The following ABCA13 variants were observed in gnomAD, a reference collection of about 807,000 sequenced individuals.
ABCA13 encodes ATP-binding cassette sub-family A member 13.
ABCA13 carries 476 observed loss-of-function variants against 478.7 expected under a neutral mutation model. The ratio of observed to expected loss-of-function variants is 0.99; its 90% confidence interval spans 0.92 to 1.07. The LOEUF (loss-of-function observed/expected upper bound fraction) is 1.07. ABCA13 is among the 50% of genes least tolerant of loss of function. ABCA13 has a pLI of 0.00. For synonymous variants in ABCA13, 2,252 were observed against 2,158.9 expected, an observed-to-expected ratio of 1.04 and a Z score of -1.20; for missense variants, 6,060 against 5,910.6, an observed-to-expected ratio of 1.03 and a Z score of -0.83.
Position 48,422,055 on chromosome 7 carries a change from C to CAAAA in ABCA13, c.12460-5685_12460-5682dup, listed in dbSNP as rs4022355. The stretch of plus-strand genomic sequence containing the variant: ...AAACCCTAATCTGGTGTCTTTCTTA[C>CAAAA]AAAAAAAAAAAAAAAAAAAAAAAAA... On this transcript the variant is annotated intron_variant, in intron 41 of 61. Transcript: ENST00000435803. Among the ~76,000 whole-genome samples, 30 of 80,548 alleles carry CAAAA rather than the reference C, an allele frequency of 3.7e-4. 1 individual carries two copies. Among genetic ancestry groups the CAAAA allele is most frequent in the Non-Finnish European group, 5.3e-4 (22 of 41,824 alleles). The allele number at this position is 80,548 out of a possible 152,430, so 52.8% of individuals were successfully genotyped here.
rs779476708 is a variant in ABCA13, at chr7:48,244,607, C to G, written c.1294C>G (p.Leu432Val). 1 of 1,613,480 alleles carries G rather than the reference C, an allele frequency of 6.2e-7. No homozygotes were observed. Among genetic ancestry groups the G allele is most frequent in the Non-Finnish European group, 8.5e-7 (1 of 1,179,676 alleles). Residue 432 changes from leucine to valine, a missense_variant, in exon 11 of 62, where the codon CTG (leucine) becomes GTG (valine). Transcript: ENST00000435803. ...LQHLWKLQSLLQNLPQWPALK... is the reference protein window; with the variant it reads ...LQHLWKLQSLVQNLPQWPALK... Reference sequence around the variant, plus strand: ...GCATCTGTGGAAATTGCAAAGCTTGCTGCAAAACCTGCCCCAGTGGCCGGC... The same window carrying G: ...GCATCTGTGGAAATTGCAAAGCTTGGTGCAAAACCTGCCCCAGTGGCCGGC...
rs762336102 is a variant in ABCA13, at chr7:48,234,041, C to G, written c.787C>G (p.Gln263Glu). The G allele has an allele frequency of 5.0e-6, 8 of 1,613,998 alleles. No homozygotes were observed. In the South Asian group the frequency reaches 6.6e-5, roughly 13 times the overall value. The change falls in exon 8 of 62, where the codon CAG becomes GAG. Residue 263 changes from glutamine to glutamate, a missense_variant. Physicochemically the swap from Gln to Glu is conservative, Grantham distance 29. Transcript: ENST00000435803. ...VTEPVYHLSM[Q>E]NIVWDPQKVQ... ...AGAGCCAGTTTACCACCTGTCCATG[C>G]AGAATATAGTGTGGGATCCACAGAA... is the stretch of plus-strand genomic sequence containing the variant.
At position 48,219,823 on chromosome 7, in the gene ABCA13, G is replaced by A. The variant is rs548603817; in HGVS notation, c.439+318G>A. On this transcript the variant is annotated intron_variant, in intron 4 of 61. Coordinates refer to ENST00000435803, the MANE Select transcript of ABCA13 (RefSeq NM_152701.5). ...GCCTACTCCTTTACACTCTTCGGCT[G>A]TTGTCTTCCTTTCTTGCTTTCTCTT... 1.1e-3 allele frequency among the ~76,000 whole-genome samples: 168 copies of A among 150,582 alleles called. 1 individual carries two copies. The highest frequency in any genetic ancestry group is 3.8e-3 in the African/African-American group (157 of 40,898).
At chr7:48,506,518 A>G (rs1831223530) in intron 49 of ABCA13, 128 bp downstream of exon 49, 1 of 1,021,940 alleles carries the variant, frequency 9.8e-7, no homozygotes, top group African/African-American at 1.6e-5. Context: ...TTAGCAGGAA[A>G]TGCCCACAGG....
At chr7:48,309,432 C>T (rs933847828) in intron 23 of ABCA13, among the ~76,000 whole-genome samples, 1 of 152,080 alleles carries the variant, frequency 6.6e-6, no homozygotes, top group Non-Finnish European at 1.5e-5. Context: ...GTCCTCAGTG[C>T]CTCCTTCTGA....
chr7:48,422,519 G>T (rs541282855), intron 41 of ABCA13, among the ~76,000 whole-genome samples: 2 of 152,280 alleles, frequency 1.3e-5, no homozygotes, highest in Admixed American at 6.5e-5. Context: ...GACCAAAAAG[G>T]TAATGAGCTG....
At position 48,274,904 on chromosome 7, in the gene ABCA13, G is replaced by A. The variant is rs1562940358; in HGVS notation, c.5238G>A (p.Val1746=). 2.5e-6 allele frequency: 4 copies of A among 1,613,934 alleles called. No homozygotes were observed. The highest frequency in any genetic ancestry group is 3.4e-6 in the Non-Finnish European group (4 of 1,179,862). ...PKDVVDAVID[V]YYVLPHAVRL... Reference sequence around the variant, plus strand: ...ATGTTGTGGATGCTGTGATAGATGTGTACTATGTGCTTCCTCATGCTGTAA... The same window carrying A: ...ATGTTGTGGATGCTGTGATAGATGTATACTATGTGCTTCCTCATGCTGTAA... The change falls in exon 17 of 62, where the codon GTG becomes GTA. Residue 1746 remains valine, a synonymous_variant. Transcript: ENST00000435803.
chr7:48,548,315 G>A (rs73109355), intron 55 of ABCA13, among the ~76,000 whole-genome samples: 21,291 of 151,678 alleles, frequency 0.14, 2,071 homozygotes, highest in African/African-American at 0.23. Context: ...GTCCCCTGGC[G>A]GAGAAATGTC....
chr7:48,299,939 G>A (rs1318561238), intron 23 of ABCA13, among the ~76,000 whole-genome samples: 1 of 152,228 alleles, frequency 6.6e-6, no homozygotes, highest in Non-Finnish European at 1.5e-5. Flanking sequence ...CAGCTGGACA[G>A]TTAAGTAATT....
chr7:48,296,066 T>C (rs1348637447), intron 21 of ABCA13, among the ~76,000 whole-genome samples: 4 of 152,220 alleles, frequency 2.6e-5, no homozygotes, highest in Non-Finnish European at 5.9e-5. Flanking sequence ...ATCAGAAGGC[T>C]AACTTTATTG....
intron 42 of ABCA13, among the ~76,000 whole-genome samples, chr7:48,439,387 T>C (rs1354496938): frequency 1.3e-5 from 2 of 152,170 alleles, no homozygotes; most frequent in Non-Finnish European, 2.9e-5. Context: ...CTAATAATCA[T>C]ATTTTCTTTA....
chr7:48,570,700 TAAAA>T (rs939948908), intron 55 of ABCA13, among the ~76,000 whole-genome samples: 1 of 151,398 alleles, frequency 6.6e-6, no homozygotes, highest in Non-Finnish European at 1.5e-5. Flanking sequence ...GTTGGATAAT[TAAAA>T]AAAAATCCAG....
intron 23 of ABCA13, among the ~76,000 whole-genome samples, chr7:48,300,065 A>G (rs1420251121): frequency 6.6e-6 from 1 of 152,240 alleles, no homozygotes; most frequent in East Asian, 1.9e-4. Context: ...TAGGCAAGGA[A>G]TTAACATTAG....
At chr7:48,292,987 A>G (rs924266545) in intron 20 of ABCA13, among the ~76,000 whole-genome samples, 2 of 152,370 alleles carry the variant, frequency 1.3e-5, no homozygotes, top group Admixed American at 1.3e-4. Flanking sequence ...TTCCACTCCC[A>G]AATCACTTGG....
intron 55 of ABCA13, among the ~76,000 whole-genome samples, chr7:48,554,092 G>C (rs68029531): frequency 0.14 from 21,077 of 151,770 alleles, 1,834 homozygotes; most frequent in African/African-American, 0.23. Flanking sequence ...ATCTTCTTCT[G>C]AATGTATGTT....
intron 15 of ABCA13, among the ~76,000 whole-genome samples, chr7:48,266,532 T>C (rs1208231240): frequency 1.3e-5 from 2 of 151,848 alleles, no homozygotes; most frequent in East Asian, 3.8e-4. Flanking sequence ...TTAATTTGTA[T>C]AGAATCAGTG....
intron 19 of ABCA13, among the ~76,000 whole-genome samples, chr7:48,282,578 T>A (rs1385150914): frequency 6.6e-6 from 1 of 152,198 alleles, no homozygotes; most frequent in African/African-American, 2.4e-5. Flanking sequence ...TAGGGCTTAC[T>A]CCATATCCTG....
intron 55 of ABCA13, among the ~76,000 whole-genome samples, chr7:48,567,516 A>G (rs1004227725): frequency 6.6e-6 from 1 of 152,152 alleles, no homozygotes. Flanking sequence ...GAACTTATAT[A>G]AAACCTTTTT....
In ABCA13 at chr7:48,392,096, G is replaced by T. The variant is rs768707087; in HGVS notation, c.11830G>T (p.Ala3944Ser). The T allele has an allele frequency of 1.4e-5, 22 of 1,613,952 alleles. No homozygotes were observed. The South Asian group carries it at 2.3e-4, about 17-fold the overall frequency. Residue 3944 changes from alanine to serine, a missense_variant, in exon 38 of 62, where the codon GCG becomes TCG. By Grantham distance (99) the Ala-to-Ser change is moderately conservative. Transcript: ENST00000435803. Reference protein sequence around the residue: ...EHLLLFASIKAPQWTKKELHQ... With the variant: ...EHLLLFASIKSPQWTKKELHQ... ...TTTGCTGCTCTTTGCTTCCATAAAG[G>T]CGCCTCAGTGGACCAAGAAGGAGCT... is the stretch of plus-strand genomic sequence containing the variant.
Sources: allele counts gnomAD v4.1 joint callset (sites outside exome capture counted in the v4.1 genomes callset), GRCh38; gene constraint gnomAD v4.1.1; transcripts MANE v1.5; gene names NCBI Gene and HGNC (gene_info 2026-07-23, HGNC 2026-07-21).